Variants in AP2B1 observed in about 807,000 individuals in gnomAD.
AP2B1 encodes AP-2 complex subunit beta.
A neutral mutation model predicts 102.0 loss-of-function variants in AP2B1; 23 were observed. The ratio of observed to expected loss-of-function variants is 0.23; its 90% CI spans 0.16 to 0.32. The LOEUF is 0.32. Among genes scored for constraint, AP2B1 ranks in the 10% least tolerant of loss-of-function variants. The pLI, the probability that AP2B1 is intolerant of heterozygous loss-of-function variation, is 1.00. For missense variants in AP2B1, 541 were observed against 1,157.4 expected (o/e 0.47, Z 7.73); for synonymous variants, 381 against 421.2 (o/e 0.90, Z 1.17).
intron 1 of AP2B1, 73 bp from the exon 2 acceptor site, chr17:35,593,935 G>A: frequency 1.4e-6 from 1 of 722,470 alleles, no homozygotes. Context: ...TTAATTGGAT[G>A]TTCTTAAAAT....
intron 1 of AP2B1, among the ~76,000 whole-genome samples, chr17:35,591,687 A>G (rs2073106797): frequency 6.6e-6 from 1 of 152,240 alleles, no homozygotes. Flanking sequence ...TTGTATATAT[A>G]CATTCATAAA....
At chr17:35,654,070 T>C (rs532674723) in intron 13 of AP2B1, among the ~76,000 whole-genome samples, 1 of 150,358 alleles carries the variant, frequency 6.7e-6, no homozygotes, top group South Asian at 2.1e-4. Flanking sequence ...TTTTTTTACT[T>C]TTTTTTTTTG....
intron 18 of AP2B1, among the ~76,000 whole-genome samples, chr17:35,703,834 A>AGTTAAATTTTTTAAAAAAG (rs144259884): frequency 2.0e-5 from 3 of 152,004 alleles, no homozygotes; most frequent in Admixed American, 2.0e-4. Flanking sequence ...CTTGAAATAA[A>AGTTAAATTTTTTAAAAAAG]AGTTCAGTTT....
intron 14 of AP2B1, chr17:35,659,705 ACT>A: frequency 2.9e-6 from 2 of 696,180 alleles, no homozygotes; most frequent in Non-Finnish European, 3.5e-6. Flanking sequence ...TTTTTATGTA[ACT>A]CTAAATTTTA....
intron 3 of AP2B1, among the ~76,000 whole-genome samples, chr17:35,604,955 ACT>A (rs2073617731): frequency 1.3e-5 from 2 of 152,162 alleles, no homozygotes; most frequent in East Asian, 1.9e-4. Flanking sequence ...ACAAGGTCTC[ACT>A]CTGTCATCCA....
At chr17:35,721,068 G>A (rs1242238537) in intron 21 of AP2B1, among the ~76,000 whole-genome samples, 1 of 152,132 alleles carries the variant, frequency 6.6e-6, no homozygotes, top group African/African-American at 2.4e-5. Context: ...ATCGGGTTGA[G>A]CCAGCACTAA....
chr17:35,624,332 A>C, intron 5 of AP2B1, 65 bp from the exon 6 acceptor site: 1 of 1,450,392 alleles, frequency 6.9e-7, no homozygotes, highest in Non-Finnish European at 9.5e-7. Flanking sequence ...GAGAAGGCTG[A>C]TGAAGTGTTT....
rs1390639137 is a variant in AP2B1 at position 35,671,612 on chromosome 17, T to C, written c.2032-142T>C. 3 of 818,342 alleles carry C rather than the reference T, an allele frequency of 3.7e-6. No homozygotes were observed. The African/African-American group carries it at 5.1e-5, about 14-fold the overall frequency. 50.7% of individuals were successfully genotyped at this position (818,342 alleles called of 1,614,324 possible). A position where few individuals can be genotyped will look rare whatever the true frequency, so the allele number is the denominator to read the frequency against. On this transcript the variant is annotated intron_variant, in intron 15 of 21. Transcript: ENST00000610402. ...GTCATGATTAAAAAGATGAAGAATA[T>C]ACTAATTTGACTCCTAAGAATATTG... is the stretch of plus-strand genomic sequence containing the variant.
intron 7 of AP2B1, 95 bp downstream of exon 7, chr17:35,626,937 A>C: frequency 1.7e-6 from 2 of 1,186,240 alleles, no homozygotes; most frequent in Non-Finnish European, 2.4e-6. Context: ...ATCTCTTTTT[A>C]ATATATGGAA....
chr17:35,594,133 G>A (rs368134860), intron 2 of AP2B1, 66 bp downstream of exon 2: 4 of 1,089,340 alleles, frequency 3.7e-6, no homozygotes, highest in Non-Finnish European at 5.4e-6. Context: ...ATTGCCCCAG[G>A]CAGAATGCTG....
At chr17:35,619,144 G>C (rs1315881779) in intron 5 of AP2B1, among the ~76,000 whole-genome samples, 1 of 152,172 alleles carries the variant, frequency 6.6e-6, no homozygotes, top group Non-Finnish European at 1.5e-5. Flanking sequence ...CTTTCTGGCT[G>C]TGTTGACCCT....
chr17:35,597,226 G>A, intron 2 of AP2B1: 1 of 398,354 alleles, frequency 2.5e-6, no homozygotes, highest in Non-Finnish European at 4.7e-6. Context: ...AGGCAGTATG[G>A]TAGATGAGCT....
chr17:35,635,063 G>A (rs1394343377), intron 9 of AP2B1, among the ~76,000 whole-genome samples: 7 of 151,794 alleles, frequency 4.6e-5, no homozygotes, highest in African/African-American at 1.7e-4. Flanking sequence ...TTTTTTTGGT[G>A]GGGTTGGGGG....
At chr17:35,620,852 A>G (rs924775647) in intron 5 of AP2B1, among the ~76,000 whole-genome samples, 1 of 152,066 alleles carries the variant, frequency 6.6e-6, no homozygotes, top group Admixed American at 6.6e-5. Context: ...TGGAAACTCT[A>G]ATTTTTCTGA....
intron 7 of AP2B1, 133 bp downstream of exon 7, chr17:35,626,975 T>G (rs2074331542): frequency 1.1e-6 from 1 of 870,346 alleles, no homozygotes; most frequent in East Asian, 2.6e-5. Context: ...CAGAAAAACT[T>G]GCTTGCCTAG....
intron 6 of AP2B1, among the ~76,000 whole-genome samples, chr17:35,626,247 A>G (rs2074312289): frequency 6.6e-6 from 1 of 152,052 alleles, no homozygotes; most frequent in Non-Finnish European, 1.5e-5. Flanking sequence ...TTGACTTCCT[A>G]TAGGTTGAGT....
intron 5 of AP2B1, 60 bp downstream of exon 5, chr17:35,608,447 G>T (rs2073757925): frequency 6.3e-7 from 1 of 1,589,884 alleles, no homozygotes; most frequent in Non-Finnish European, 8.6e-7. Context: ...TTGTTAAAGC[G>T]TGTTTAATAT....
At chr17:35,606,949 G>A (rs949323436) in intron 4 of AP2B1, among the ~76,000 whole-genome samples, 2 of 148,174 alleles carry the variant, frequency 1.3e-5, no homozygotes, top group South Asian at 2.1e-4. Flanking sequence ...CTTGTTGCCC[G>A]GGCTGGAGTG....
chr17:35,616,197 C>T (rs1416531994), intron 5 of AP2B1, among the ~76,000 whole-genome samples: 1 of 114,132 alleles, frequency 8.8e-6, no homozygotes, highest in Non-Finnish European at 1.7e-5. Flanking sequence ...CGGAGTCTCG[C>T]TCAGTCGCCC....
Sources: allele counts gnomAD v4.1 joint callset (sites outside exome capture counted in the v4.1 genomes callset), GRCh38; gene constraint gnomAD v4.1.1; transcripts MANE v1.5; gene names NCBI Gene and HGNC (gene_info 2026-07-23, HGNC 2026-07-21).